Variants in MARCHF3 observed in about 807,000 individuals in gnomAD.
MARCHF3 encodes the protein membrane associated ring-CH-type finger 3, also known as E3 ubiquitin-protein ligase MARCHF3.
Under a neutral mutation model 24.2 loss-of-function variants are expected in MARCHF3, and 13 were observed. The ratio of observed to expected loss-of-function variants is 0.54; its 90% confidence interval spans 0.35 to 0.85. The LOEUF (loss-of-function observed/expected upper bound fraction) is 0.85, where lower values mean the gene tolerates loss of function less well. Among genes scored for constraint, MARCHF3 ranks in the 40% least tolerant of loss-of-function variants. The probability of loss-of-function intolerance (pLI) is 0.01; values close to 1 mark genes in which losing one functional copy is unlikely to be tolerated. For synonymous variants in MARCHF3, 144 were observed against 137.3 expected, an observed-to-expected ratio of 1.05 and a Z score of -0.34; for missense variants, 276 against 325.0, an observed-to-expected ratio of 0.85 and a Z score of 1.16.
chr5:127,008,019 C>A lies in MARCHF3; in HGVS notation c.-57+22331G>T, dbSNP rs538891903. ...TCCTCCTTCAGAACACATCATGTATCTTACTTAACACATGGCCTTCTAGTC... is the reference window on the plus strand; with the variant it reads ...TCCTCCTTCAGAACACATCATGTATATTACTTAACACATGGCCTTCTAGTC... On this transcript the variant is annotated intron_variant, in intron 1 of 4. Coordinates refer to ENST00000308660, the MANE Select transcript of MARCHF3 (RefSeq NM_178450.5). Among the ~76,000 whole-genome samples the A allele has an allele frequency of 2.6e-5, 4 of 151,914 alleles. No homozygotes were observed. In the East Asian group the frequency reaches 7.7e-4, roughly 29 times the overall value.
chr5:126,901,809 G>C (rs1754114906), intron 3 of MARCHF3, among the ~76,000 whole-genome samples: 1 of 152,060 alleles, frequency 6.6e-6, no homozygotes. Flanking sequence ...ATTCCTGAGA[G>C]TTAATTGTGC....
At chr5:126,880,274 A>G (rs1351784782) in intron 3 of MARCHF3, among the ~76,000 whole-genome samples, 1 of 152,180 alleles carries the variant, frequency 6.6e-6, no homozygotes, top group Non-Finnish European at 1.5e-5. Context: ...GGGACAAGCC[A>G]CCTTAAACAC....
chr5:126,884,231 CAA>C (rs1753434173), intron 3 of MARCHF3, among the ~76,000 whole-genome samples: 1 of 152,170 alleles, frequency 6.6e-6, no homozygotes, highest in South Asian at 2.1e-4. Flanking sequence ...TAACTTGAAA[CAA>C]AGCAGAGAAC....
intron 3 of MARCHF3, among the ~76,000 whole-genome samples, chr5:126,914,263 A>G (rs745422206): frequency 2.9e-4 from 44 of 152,118 alleles, no homozygotes; most frequent in East Asian, 3.9e-4. Flanking sequence ...GATTACAGAC[A>G]TGAGCCACCG....
At chr5:126,906,152 C>T (rs1357325699) in intron 3 of MARCHF3, among the ~76,000 whole-genome samples, 3 of 150,970 alleles carry the variant, frequency 2.0e-5, no homozygotes, top group Admixed American at 6.6e-5. Flanking sequence ...AGCCTTGCAT[C>T]CCAGGGATGA....
intron 1 of MARCHF3, among the ~76,000 whole-genome samples, chr5:126,939,685 T>C (rs1265647347): frequency 1.3e-5 from 2 of 152,234 alleles, no homozygotes; most frequent in African/African-American, 4.8e-5. Context: ...TTATTTACAG[T>C]AGTTATGTTC....
chr5:127,023,205 T>C (rs927699742), intron 1 of MARCHF3, among the ~76,000 whole-genome samples: 2 of 152,174 alleles, frequency 1.3e-5, no homozygotes, highest in African/African-American at 2.4e-5. Context: ...AGGACATCCA[T>C]ATATAATGAA....
intron 1 of MARCHF3, among the ~76,000 whole-genome samples, chr5:127,020,687 C>T (rs932401701): frequency 6.6e-6 from 1 of 151,838 alleles, no homozygotes; most frequent in African/African-American, 2.4e-5. Context: ...CATGTCTCTA[C>T]AAAAAATGGA....
intron 3 of MARCHF3, among the ~76,000 whole-genome samples, chr5:126,882,191 A>G (rs990457199): frequency 3.3e-5 from 5 of 152,202 alleles, no homozygotes; most frequent in African/African-American, 1.2e-4. Flanking sequence ...TTTTCCTGCT[A>G]ACATTTTCTT....
chr5:127,008,335 T>G (rs989630369), intron 1 of MARCHF3, among the ~76,000 whole-genome samples: 1 of 152,194 alleles, frequency 6.6e-6, no homozygotes, highest in African/African-American at 2.4e-5. Flanking sequence ...TCTTTCCTAG[T>G]GGCTCCAGAG....
intron 3 of MARCHF3, among the ~76,000 whole-genome samples, chr5:126,901,937 A>T (rs1341582145): frequency 1.3e-5 from 2 of 152,086 alleles, no homozygotes; most frequent in African/African-American, 2.4e-5. Flanking sequence ...GCAGCCCAAG[A>T]CACCTTGACT....
intron 4 of MARCHF3, among the ~76,000 whole-genome samples, chr5:126,876,528 G>A (rs1032173344): frequency 2.0e-5 from 3 of 152,140 alleles, no homozygotes; most frequent in Non-Finnish European, 4.4e-5. Context: ...TGTTGACCAG[G>A]AGTTAGATAG....
At chr5:126,925,703 G>C (rs1256038569) in intron 1 of MARCHF3, among the ~76,000 whole-genome samples, 2 of 152,306 alleles carry the variant, frequency 1.3e-5, no homozygotes, top group Middle Eastern at 3.4e-3. Context: ...AGGGAGGGGG[G>C]TTGCACAGAT....
chr5:127,028,948 A>T (rs1753087103), intron 1 of MARCHF3, among the ~76,000 whole-genome samples: 1 of 152,186 alleles, frequency 6.6e-6, no homozygotes, highest in South Asian at 2.1e-4. Flanking sequence ...TGAAGTGTAC[A>T]TGTTATGTTT....
chr5:126,993,222 C>G (rs2126844911), intron 1 of MARCHF3, among the ~76,000 whole-genome samples: 1 of 152,266 alleles, frequency 6.6e-6, no homozygotes, highest in Non-Finnish European at 1.5e-5. Context: ...ATAGATACAT[C>G]CCTCCTGAGT....
intron 1 of MARCHF3, among the ~76,000 whole-genome samples, chr5:127,024,120 G>A (rs1452011441): frequency 1.3e-5 from 2 of 152,198 alleles, no homozygotes; most frequent in Non-Finnish European, 2.9e-5. Flanking sequence ...AAGACACATA[G>A]GAAGGTAGTG....
At chr5:126,882,873 A>G (rs953030654) in intron 3 of MARCHF3, among the ~76,000 whole-genome samples, 1 of 152,230 alleles carries the variant, frequency 6.6e-6, no homozygotes, top group African/African-American at 2.4e-5. Context: ...TAGATAGGGA[A>G]AATGAGACAC....
chr5:126,908,592 C>T (rs867997197), intron 3 of MARCHF3, among the ~76,000 whole-genome samples: 1 of 152,108 alleles, frequency 6.6e-6, no homozygotes, highest in African/African-American at 2.4e-5. Flanking sequence ...CAATGGTATC[C>T]TTTCTTCCAG....
At chr5:126,988,906 T>G (rs1157547479) in intron 1 of MARCHF3, among the ~76,000 whole-genome samples, 1 of 152,072 alleles carries the variant, frequency 6.6e-6, no homozygotes, top group Non-Finnish European at 1.5e-5. Context: ...CACAAAAACT[T>G]TAAAAGGGAA....
Sources: allele counts gnomAD v4.1 joint callset (sites outside exome capture counted in the v4.1 genomes callset), GRCh38; gene constraint gnomAD v4.1.1; transcripts MANE v1.5; gene names NCBI Gene and HGNC (gene_info 2026-07-23, HGNC 2026-07-21).